COLEC12: variants seen among roughly 807,000 people sequenced by gnomAD.
COLEC12 encodes collectin subfamily member 12, also known as collectin-12.
COLEC12 carries 33 observed loss-of-function variants against 71.1 expected under a neutral mutation model. The ratio of observed to expected loss-of-function variants is 0.46; its 90% CI spans 0.35 to 0.62. COLEC12 has a LOEUF of 0.62. Ranked by LOEUF, COLEC12 falls within the 20% of genes least tolerant of loss-of-function variation. The probability of loss-of-function intolerance (pLI) is 0.00; values close to 1 mark genes in which losing one functional copy is unlikely to be tolerated. For missense variants in COLEC12, 765 were observed against 916.1 expected (o/e 0.84, Z 2.13); for synonymous variants, 350 against 353.0 (o/e 0.99, Z 0.10).
At chr18:423,232 G>A (rs57409229) in intron 2 of COLEC12, among the ~76,000 whole-genome samples, 35,740 of 151,968 alleles carry the variant, frequency 0.24, 4,483 homozygotes, top group Middle Eastern at 0.32. Context: ...TCATGCCACT[G>A]CACTCCAGCC....
At chr18:388,894 C>A (rs535897560) in intron 2 of COLEC12, among the ~76,000 whole-genome samples, 1 of 152,274 alleles carries the variant, frequency 6.6e-6, no homozygotes. Context: ...ACCCTCTCTC[C>A]TTGTGTCCAA....
chr18:349,974 G>A (rs1467958737), intron 3 of COLEC12, among the ~76,000 whole-genome samples: 4 of 152,166 alleles, frequency 2.6e-5, no homozygotes, highest in South Asian at 2.1e-4. Flanking sequence ...TGTCTCAGAT[G>A]GGACTTTGGA....
intron 1 of COLEC12, among the ~76,000 whole-genome samples, chr18:489,075 A>C (rs757496420): frequency 1.2e-4 from 19 of 152,148 alleles, no homozygotes; most frequent in Non-Finnish European, 2.6e-4. Flanking sequence ...AGCCACTCCA[A>C]GGCTCATCAT....
intron 2 of COLEC12, among the ~76,000 whole-genome samples, chr18:385,544 C>T (rs8099753): frequency 0.19 from 28,589 of 151,940 alleles, 2,855 homozygotes; most frequent in Middle Eastern, 0.29. Context: ...AGGCTGGTCT[C>T]GAACTCCTGA....
rs201088856 is a variant in COLEC12 at position 324,256 on chromosome 18, G to A, written c.2064-2449C>T. On this transcript the variant is annotated intron_variant, in intron 8 of 9. Coordinates refer to ENST00000400256, the MANE Select transcript of COLEC12 (RefSeq NM_130386.3). ...ACGTAACGTGTCAAATAAGCAAAAT[G>A]TATATATTTTGGAGAAGAATGTCAG... 5.3e-5 allele frequency among the ~76,000 whole-genome samples: 8 copies of A among 152,286 alleles called. No homozygotes were observed. The East Asian group carries it at 1.5e-3, about 29-fold the overall frequency.
chr18:485,638 CAG>C (rs913956127), intron 1 of COLEC12, among the ~76,000 whole-genome samples: 5 of 152,186 alleles, frequency 3.3e-5, no homozygotes, highest in African/African-American at 1.2e-4. Context: ...GATTTTATGA[CAG>C]AGAATGTTGA....
chr18:446,427 C>T lies in COLEC12; in HGVS notation c.58+34280G>A, dbSNP rs549067845. On this transcript the variant is annotated intron_variant, in intron 2 of 9. Transcript: ENST00000400256. ...CTATAAAAATCATCTTTGGGCCAGG[C>T]GCAGTGTCTCATACCTGTAATCCCA... Among the ~76,000 whole-genome samples the T allele has an allele frequency of 3.8e-4, 58 of 151,468 alleles. 1 individual carries two copies. The South Asian group carries it at 7.1e-3, about 19-fold the overall frequency.
At chr18:351,097 GGAA>G (rs1914510691) in intron 3 of COLEC12, among the ~76,000 whole-genome samples, 1 of 152,082 alleles carries the variant, frequency 6.6e-6, no homozygotes, top group South Asian at 2.1e-4. Flanking sequence ...GCTCCTCTCA[GGAA>G]GAAGTAGTAA....
At chr18:496,490 T>C (rs1399084420) in intron 1 of COLEC12, among the ~76,000 whole-genome samples, 3 of 152,342 alleles carry the variant, frequency 2.0e-5, no homozygotes, top group South Asian at 2.1e-4. Flanking sequence ...TTTGTTTCCA[T>C]TTTCCTTTAG....
At chr18:350,629 TAA>T (rs112955441) in intron 3 of COLEC12, among the ~76,000 whole-genome samples, 1 of 150,882 alleles carries the variant, frequency 6.6e-6, no homozygotes, top group Non-Finnish European at 1.5e-5. Flanking sequence ...ATCAATAGCT[TAA>T]AAAAAAAGAC....
In COLEC12 at chr18:441,175, G is replaced by C. The variant is rs1283885004; in HGVS notation, c.58+39532C>G. On this transcript the variant is annotated intron_variant, in intron 2 of 9. Coordinates refer to ENST00000400256, the MANE Select transcript of COLEC12 (RefSeq NM_130386.3). ...AGGCAGGAGAATGGCGTGAACCCGG[G>C]AGGCGGAGCTTGCAGTGAGCCGAGA... 5.3e-5 allele frequency among the ~76,000 whole-genome samples: 8 copies of C among 149,596 alleles called. No individual in the cohort carries two copies. The East Asian group carries it at 1.4e-3, about 26-fold the overall frequency.
intron 2 of COLEC12, among the ~76,000 whole-genome samples, chr18:479,570 ACACACACACTCACT>A (rs925394953): frequency 1.4e-4 from 22 of 152,058 alleles, no homozygotes; most frequent in African/African-American, 4.8e-4. Flanking sequence ...ACAGAAACGC[ACACACACACTCACT>A]CACACACACT....
intron 8 of COLEC12, among the ~76,000 whole-genome samples, chr18:324,274 A>C (rs1913783369): frequency 6.6e-6 from 1 of 152,212 alleles, no homozygotes. Context: ...TTTGGAGAAG[A>C]ATGTCAGCTT....
intron 2 of COLEC12, among the ~76,000 whole-genome samples, chr18:448,348 A>G (rs532133471): frequency 3.2e-4 from 48 of 152,308 alleles, no homozygotes; most frequent in African/African-American, 1.1e-3. Context: ...CACTGTAGTA[A>G]ACTTGGTTTG....
At chr18:368,497 CTGGGAGGCAGAGGTTGCAG>C (rs1403803169) in intron 2 of COLEC12, among the ~76,000 whole-genome samples, 2 of 152,138 alleles carry the variant, frequency 1.3e-5, no homozygotes, top group Non-Finnish European at 2.9e-5. Context: ...TCGCTCGATC[CTGGGAGGCAGAGGTTGCAG>C]TGAGCCGAAA....
intron 2 of COLEC12, among the ~76,000 whole-genome samples, chr18:416,128 C>A (rs1422822101): frequency 3.3e-5 from 5 of 152,132 alleles, no homozygotes; most frequent in Admixed American, 2.6e-4. Context: ...TCTAGATTCT[C>A]CAGTTCCTGC....
intron 2 of COLEC12, among the ~76,000 whole-genome samples, chr18:474,772 C>T (rs761899421): frequency 3.9e-5 from 6 of 151,992 alleles, no homozygotes; most frequent in African/African-American, 7.3e-5. Context: ...ATTTTGACAC[C>T]GAATTCTTAT....
intron 9 of COLEC12, 98 bp downstream of exon 9, chr18:321,564 T>G: frequency 7.6e-7 from 1 of 1,310,116 alleles, no homozygotes; most frequent in Non-Finnish European, 1.1e-6. Flanking sequence ...TGAAACCTAA[T>G]TGCAGTGCCT....
In COLEC12 at chr18:399,596, T is replaced by G. The variant is rs1915639646; in HGVS notation, c.59-42074A>C. On this transcript the variant is annotated intron_variant, in intron 2 of 9. Coordinates refer to ENST00000400256, the MANE Select transcript of COLEC12 (RefSeq NM_130386.3). The surrounding 1 kb of genome is among the most constrained non-coding windows in gnomAD (Gnocchi z 4.0). ...GATGGTCTCCACCCTCATCTGAAGCTTTTGTCTAAGTCTCCCTGGCAGGTT... is the reference window on the plus strand; with the variant it reads ...GATGGTCTCCACCCTCATCTGAAGCGTTTGTCTAAGTCTCCCTGGCAGGTT... Among the ~76,000 whole-genome samples, 1 of 152,244 alleles carries G rather than the reference T, an allele frequency of 6.6e-6. No homozygotes were observed. The highest frequency in any genetic ancestry group is 2.4e-5 in the African/African-American group (1 of 41,462).
Sources: allele counts gnomAD v4.1 joint callset (sites outside exome capture counted in the v4.1 genomes callset), GRCh38; gene constraint gnomAD v4.1.1; non-coding constraint Gnocchi (gnomAD v3.1); transcripts MANE v1.5; gene names NCBI Gene and HGNC (gene_info 2026-07-23, HGNC 2026-07-21).